Variants in SP140 observed in about 807,000 individuals in gnomAD.
SP140 encodes the protein nuclear body protein SP140.
In SP140, 81 loss-of-function variants were observed where a neutral mutation model predicts 125.0. That is an observed-to-expected ratio of 0.65 (90% CI 0.54 to 0.78). The LOEUF (loss-of-function observed/expected upper bound fraction) is 0.78, where lower values mean the gene tolerates loss of function less well. Among genes scored for constraint, SP140 ranks in the 30% least tolerant of loss-of-function variants. The pLI, the probability that SP140 is intolerant of heterozygous loss-of-function variation, is 0.00. For missense variants in SP140, 858 were observed against 1,037.0 expected (o/e 0.83, Z 2.37); for synonymous variants, 312 against 354.0 (o/e 0.88, Z 1.33).
At chr2:230,252,045 A>G (rs2050455376) in intron 10 of SP140, among the ~76,000 whole-genome samples, 2 of 152,112 alleles carry the variant, frequency 1.3e-5, no homozygotes, top group African/African-American at 4.8e-5. Flanking sequence ...GGAATCTGAG[A>G]GACTCTACCT....
intron 6 of SP140, 40 bp from the exon 7 acceptor site, chr2:230,245,823 C>A: frequency 1.5e-6 from 2 of 1,328,590 alleles, no homozygotes; most frequent in African/African-American, 1.4e-5. Context: ...GTGTCCAGGT[C>A]ACTGCCAATT....
chr2:230,238,786 G>A (rs779016589), intron 3 of SP140: 13 of 1,553,020 alleles, frequency 8.4e-6, no homozygotes, highest in Non-Finnish European at 1.1e-5. Context: ...GTGCAGTCCT[G>A]TGTCAACTTG....
chr2:230,230,447 A>G (rs1198024637), intron 1 of SP140: 1 of 152,224 alleles, frequency 6.6e-6, no homozygotes. Context: ...CTCCAGCTAC[A>G]TGACTCCTGA....
At chr2:230,240,238 G>A (rs1391119882) in intron 3 of SP140, among the ~76,000 whole-genome samples, 1 of 152,130 alleles carries the variant, frequency 6.6e-6, no homozygotes, top group African/African-American at 2.4e-5. Context: ...AAGACAGTGT[G>A]TTTGCAAACT....
chr2:230,207,883 A>G, intron 1 of SP140: 3 of 693,056 alleles, frequency 4.3e-6, no homozygotes, highest in Non-Finnish European at 7.9e-6. Context: ...AATCTCTTCA[A>G]TGGCTTCCCA....
At position 230,241,358 on chromosome 2, in the gene SP140, T is replaced by C. The variant is rs758884363; in HGVS notation, c.407-46T>C. The C allele has an allele frequency of 6.6e-6, 8 of 1,212,322 alleles. No individual in the cohort carries two copies. The East Asian group carries it at 1.9e-4, about 28-fold the overall frequency. The allele number at this position is 1,212,322 out of a possible 1,614,324, so 75.1% of individuals were successfully genotyped here. ...ATCTTGAGCACACTGAGGTCTCTCCTCTGGTCACTGTCTGAGTTTGGTAAT... is the reference window on the plus strand; with the variant it reads ...ATCTTGAGCACACTGAGGTCTCTCCCCTGGTCACTGTCTGAGTTTGGTAAT... On this transcript the variant is annotated intron_variant, in intron 3 of 26. Transcript: ENST00000392045.
chr2:230,268,687 A>G (rs2053497639), intron 12 of SP140, among the ~76,000 whole-genome samples: 1 of 152,238 alleles, frequency 6.6e-6, no homozygotes, highest in South Asian at 2.1e-4. Context: ...TAAATAAGAT[A>G]AATTCAGAAC....
At chr2:230,206,607 A>C (rs2043863688) in intron 1 of SP140, among the ~76,000 whole-genome samples, 2 of 54,616 alleles carry the variant, frequency 3.7e-5, no homozygotes, top group Admixed American at 1.8e-4. Context: ...ATATATATAT[A>C]TATATATATA....
chr2:230,254,101 G>A (rs2050783243), intron 11 of SP140, among the ~76,000 whole-genome samples: 1 of 152,142 alleles, frequency 6.6e-6, no homozygotes, highest in Non-Finnish European at 1.5e-5. Flanking sequence ...AGAGAGAAAA[G>A]TTAAGAGAAA....
chr2:230,212,120 T>C (rs1020489883), intron 1 of SP140, among the ~76,000 whole-genome samples: 3 of 152,100 alleles, frequency 2.0e-5, no homozygotes, highest in Non-Finnish European at 4.4e-5. Flanking sequence ...CAGCTAAGGG[T>C]CACTAGTGTG....
At chr2:230,238,994 G>C in intron 3 of SP140, 1 of 1,488,726 alleles carries the variant, frequency 6.7e-7, no homozygotes, top group Non-Finnish European at 8.9e-7. Context: ...AGTGGATTCT[G>C]GAAGGCTTGA....
At position 230,270,543 on chromosome 2, in the gene SP140, T is replaced by C. The variant is rs1396586030; in HGVS notation, c.1445-43T>C. On this transcript the variant is annotated intron_variant, in intron 14 of 26. Transcript: ENST00000392045. ...ATTGTCCTAAAATCTATAACTTTTA[T>C]TTATTAATTTCTGTTTCCTCACCAC... 3.2e-6 allele frequency: 5 copies of C among 1,542,712 alleles called. No homozygotes were observed. The South Asian group carries it at 5.7e-5, about 18-fold the overall frequency.
intron 20 of SP140, 59 bp downstream of exon 20, chr2:230,292,847 A>T: frequency 6.2e-7 from 1 of 1,605,332 alleles, no homozygotes; most frequent in Non-Finnish European, 8.5e-7. Context: ...TAATGAGGAG[A>T]CTGTTTATTC....
At chr2:230,187,725 C>T in the SP140 span, among the ~76,000 whole-genome samples, 1 of 152,078 alleles carries the variant, frequency 6.6e-6, no homozygotes, top group Non-Finnish European at 1.5e-5. Context: ...ACCAGTTTTC[C>T]CAGCACCATT....
At chr2:230,189,483 G>A in the SP140 span, among the ~76,000 whole-genome samples, 5 of 152,016 alleles carry the variant, frequency 3.3e-5, no homozygotes, top group Admixed American at 6.6e-5. Context: ...CCATTTATTT[G>A]TTATGGTTTT....
chr2:230,299,194 A>AAG (rs2058051647), intron 22 of SP140, among the ~76,000 whole-genome samples: 3 of 152,242 alleles, frequency 2.0e-5, no homozygotes, highest in Admixed American at 2.0e-4. Flanking sequence ...AACTGAAGGA[A>AAG]GTCACACACC....
chr2:230,205,993 TGGGGGA>T (rs992126644), intron 1 of SP140, among the ~76,000 whole-genome samples: 1 of 152,110 alleles, frequency 6.6e-6, no homozygotes, highest in Non-Finnish European at 1.5e-5. Context: ...ATAAGTAGAA[TGGGGGA>T]GAAAGCAGCT....
At chr2:230,250,332 C>CACAGA (rs1182512859) in intron 9 of SP140, among the ~76,000 whole-genome samples, 1 of 152,172 alleles carries the variant, frequency 6.6e-6, no homozygotes, top group Non-Finnish European at 1.5e-5. Context: ...GGCTTCCACC[C>CACAGA]TTCATGGGTC....
rs770236970 is a variant in SP140 at position 230,247,913 on chromosome 2, T to C, written c.743-3T>C. ...TCTCAGAGATGCCTTTTTTGATCCC[T>C]AGTTCTAGAAAGCAACGGGATGATA... On this transcript the variant is annotated splice_region_variant and splice_polypyrimidine_tract_variant and intron_variant, in intron 7 of 26. Transcript: ENST00000392045. 3.7e-5 allele frequency: 60 copies of C among 1,612,734 alleles called. No homozygotes were observed. The highest frequency in any genetic ancestry group is 5.0e-5 in the Non-Finnish European group (59 of 1,179,412).
Sources: allele counts gnomAD v4.1 joint callset (sites outside exome capture counted in the v4.1 genomes callset), GRCh38; gene constraint gnomAD v4.1.1; transcripts MANE v1.5; gene names NCBI Gene and HGNC (gene_info 2026-07-23, HGNC 2026-07-21).